EPG5: variants seen among roughly 807,000 people sequenced by gnomAD.
The protein encoded by EPG5 is ectopic P granules protein 5 homolog.
Under a neutral mutation model 302.7 loss-of-function variants are expected in EPG5, and 159 were observed. The ratio of observed to expected loss-of-function variants is 0.53; its 90% CI spans 0.46 to 0.60. The LOEUF (loss-of-function observed/expected upper bound fraction) is 0.60. EPG5 is among the 20% of genes least tolerant of loss of function. The pLI, the probability that EPG5 is intolerant of heterozygous loss-of-function variation, is 0.00. For synonymous variants in EPG5, 1,158 were observed against 1,136.8 expected (o/e 1.02, Z -0.37); for missense variants, 2,896 against 3,092.4 (o/e 0.94, Z 1.51).
Position 45,944,117 on chromosome 18 carries a change from A to G in EPG5, c.1680T>C (p.Asp560=). The G allele has an allele frequency of 1.2e-6, 2 of 1,600,344 alleles. No individual in the cohort carries two copies. The highest frequency in any genetic ancestry group is 2.2e-5 in the East Asian group (1 of 44,814). ...GAATCCAACTGGTCTCAGGGTCTTC[A>G]TCCTAAGGGAAAAGACAAAAAATCA... ...WTLVDEGGEE[D]EDPETSWILL... The change falls in exon 8 of 44, where the codon GAT becomes GAC. Residue 560 remains aspartate (D), a splice_region_variant and synonymous_variant. Coordinates refer to ENST00000282041, the MANE Select transcript of EPG5 (RefSeq NM_020964.3).
At chr18:45,804,188 T>C in the EPG5 span, among the ~76,000 whole-genome samples, 2 of 152,172 alleles carry the variant, frequency 1.3e-5, no homozygotes, top group Admixed American at 1.3e-4. Context: ...GGGCTTAACA[T>C]AATTTTTTAA....
the EPG5 span, among the ~76,000 whole-genome samples, chr18:45,801,099 C>T: frequency 1.4e-4 from 21 of 152,104 alleles, no homozygotes; most frequent in African/African-American, 4.1e-4. Flanking sequence ...TGCAGTGGTA[C>T]GATCTCAGCT....
chr18:45,892,595 A>T (rs973148135), intron 27 of EPG5, among the ~76,000 whole-genome samples: 6 of 152,212 alleles, frequency 3.9e-5, no homozygotes, highest in African/African-American at 1.4e-4. Context: ...ACAATACCAA[A>T]GTACATCAAA....
the EPG5 span, among the ~76,000 whole-genome samples, chr18:45,833,559 CA>C: frequency 2.0e-5 from 3 of 152,130 alleles, no homozygotes; most frequent in East Asian, 5.8e-4. Context: ...CTGATCTGCC[CA>C]CCTTGGCCTC....
At chr18:45,825,371 T>A in the EPG5 span, 2 of 280,110 alleles carry the variant, frequency 7.1e-6, no homozygotes, top group African/African-American at 4.3e-5. Context: ...GAAGGAAGGG[T>A]GAGCCACATA....
intron 21 of EPG5, 21 bp from the exon 22 acceptor site, chr18:45,912,477 T>A: frequency 6.3e-7 from 1 of 1,579,996 alleles, no homozygotes; most frequent in Non-Finnish European, 8.6e-7. Context: ...GAAAGGGCTT[T>A]GAGTAGCCAC....
At chr18:45,913,281 G>C (rs2049952544) in intron 21 of EPG5, among the ~76,000 whole-genome samples, 1 of 152,182 alleles carries the variant, frequency 6.6e-6, no homozygotes, top group Middle Eastern at 3.4e-3. Flanking sequence ...TAAAATAGAA[G>C]GTCTTTAAAG....
the EPG5 span, chr18:45,840,177 A>T: frequency 6.2e-7 from 1 of 1,611,652 alleles, no homozygotes; most frequent in East Asian, 2.2e-5. Context: ...TGCGGTGGAG[A>T]TTCATGCCTG....
At chr18:45,860,001 A>G (rs1344271057) in intron 40 of EPG5, 103 bp downstream of exon 40, 1 of 1,422,642 alleles carries the variant, frequency 7.0e-7, no homozygotes, top group African/African-American at 1.4e-5. Context: ...TAGAATGGCA[A>G]ATCCCTCACT....
the EPG5 span, chr18:45,825,702 G>A: frequency 1.2e-6 from 2 of 1,613,854 alleles, no homozygotes; most frequent in Admixed American, 3.3e-5. Flanking sequence ...GAGCGGGTCT[G>A]GCCTGGGGTG....
At chr18:45,889,707 G>A in intron 28 of EPG5, 91 bp downstream of exon 28, 1 of 1,167,736 alleles carries the variant, frequency 8.6e-7, no homozygotes, top group South Asian at 1.9e-5. Flanking sequence ...ACCTGTGGGT[G>A]CTGCAGGGGT....
At chr18:45,806,723 G>A in the EPG5 span, among the ~76,000 whole-genome samples, 1 of 152,186 alleles carries the variant, frequency 6.6e-6, no homozygotes, top group African/African-American at 2.4e-5. Flanking sequence ...TTGTGAGCTC[G>A]CTGGGTCCCC....
chr18:45,837,550 C>T, the EPG5 span: 1 of 1,517,352 alleles, frequency 6.6e-7, no homozygotes, highest in South Asian at 1.2e-5. Flanking sequence ...AGGTGCCACC[C>T]GAGGTGAGCG....
the EPG5 span, chr18:45,837,665 G>A: frequency 6.7e-7 from 1 of 1,497,348 alleles, no homozygotes; most frequent in Non-Finnish European, 8.8e-7. Context: ...GCCCTATGCG[G>A]GCCCGCAGGT....
chr18:45,937,960 T>C (rs1305242291), intron 10 of EPG5, among the ~76,000 whole-genome samples: 1 of 152,174 alleles, frequency 6.6e-6, no homozygotes, highest in East Asian at 1.9e-4. Flanking sequence ...ATATATAAGC[T>C]CTAGTAAGTA....
intron 28 of EPG5, among the ~76,000 whole-genome samples, chr18:45,889,515 G>A (rs1257520283): frequency 6.6e-6 from 1 of 152,120 alleles, no homozygotes; most frequent in East Asian, 1.9e-4. Context: ...GGGCCAGATA[G>A]TTAATATTTT....
downstream of EPG5, among the ~76,000 whole-genome samples, chr18:45,845,184 G>A (rs1007994906): frequency 5.9e-5 from 9 of 152,216 alleles, no homozygotes; most frequent in Non-Finnish European, 7.3e-5. Flanking sequence ...GTAATCAGCT[G>A]GTGCTAGCTG....
At chr18:45,953,867 A>T (rs1599647305) in intron 2 of EPG5, 21 of 985,298 alleles carry the variant, frequency 2.1e-5, no homozygotes, top group Non-Finnish European at 2.5e-5. Flanking sequence ...AAGTGATCAT[A>T]ACACCTTCAG....
At chr18:45,892,502 G>A (rs2145514127) in intron 27 of EPG5, among the ~76,000 whole-genome samples, 1 of 152,284 alleles carries the variant, frequency 6.6e-6, no homozygotes, top group East Asian at 1.9e-4. Flanking sequence ...GGCCCTCAGT[G>A]GGTCTTTTCC....
Sources: gnomAD v4.1 joint callset for allele counts (sites outside exome capture counted in the v4.1 genomes callset) on GRCh38, gnomAD v4.1.1 for gene constraint, MANE v1.5 for transcripts, NCBI Gene and HGNC (gene_info 2026-07-23, HGNC 2026-07-21) for gene names.